Variants in CDC42EP3 observed in about 807,000 individuals in gnomAD.
CDC42EP3 encodes CDC42 effector protein 3, also known as CDC42 effector protein (Rho GTPase binding) 3.
CDC42EP3 carries 4 observed loss-of-function variants against 15.5 expected under a neutral mutation model. The observed-to-expected ratio is 0.26, with a 90% CI of 0.13 to 0.59. The LOEUF is 0.59. Ranked by LOEUF, CDC42EP3 falls within the 20% of genes least tolerant of loss-of-function variation. The probability of loss-of-function intolerance (pLI) is 0.89; values close to 1 mark genes in which losing one functional copy is unlikely to be tolerated. For synonymous variants in CDC42EP3, 145 were observed against 130.3 expected, an observed-to-expected ratio of 1.11 and a Z score of -0.77; for missense variants, 309 against 311.2, an observed-to-expected ratio of 0.99 and a Z score of 0.05.
At chr2:37,662,436 T>C (rs1008221233) in intron 1 of CDC42EP3, among the ~76,000 whole-genome samples, 2 of 152,238 alleles carry the variant, frequency 1.3e-5, no homozygotes, top group African/African-American at 4.8e-5. Context: ...GGGATTCCTT[T>C]TAACCTTACT....
rs1381083616 is a variant in CDC42EP3, at chr2:37,671,510, G to T, written c.-320C>A. ...TGCCGCTGTGCGCAGATCCAGCCGAGTCTGCCGGCGTGGTGCCTGCTCACC... is the reference window on the plus strand; with the variant it reads ...TGCCGCTGTGCGCAGATCCAGCCGATTCTGCCGGCGTGGTGCCTGCTCACC... On this transcript the variant is annotated 5_prime_UTR_variant, in exon 1 of 2. Transcript: ENST00000295324. The T allele has an allele frequency of 6.6e-6, 1 of 152,292 alleles. No homozygotes were observed. Among genetic ancestry groups the T allele is most frequent in the Non-Finnish European group, 1.5e-5 (1 of 68,084 alleles). 9.4% of individuals were successfully genotyped at this position (152,292 alleles called of 1,614,324 possible).
chr2:37,667,122 G>C (rs559694103), intron 1 of CDC42EP3, among the ~76,000 whole-genome samples: 42 of 152,000 alleles, frequency 2.8e-4, no homozygotes, highest in Non-Finnish European at 5.0e-4. Context: ...TGGGTTTTCC[G>C]GGGCAAGCAG....
intron 1 of CDC42EP3, among the ~76,000 whole-genome samples, chr2:37,670,744 C>T (rs1364162623): frequency 6.6e-6 from 1 of 151,856 alleles, no homozygotes; most frequent in Non-Finnish European, 1.5e-5. Flanking sequence ...AGATGAAACA[C>T]ATGCCTCCCA....
chr2:37,660,328 G>C (rs1666015172), intron 1 of CDC42EP3, among the ~76,000 whole-genome samples: 1 of 152,196 alleles, frequency 6.6e-6, no homozygotes, highest in South Asian at 2.1e-4. Context: ...AGCTTGATTA[G>C]AAGTTAATTC....
intron 1 of CDC42EP3, among the ~76,000 whole-genome samples, chr2:37,656,252 T>G (rs915976113): frequency 2.0e-5 from 3 of 152,360 alleles, no homozygotes; most frequent in Middle Eastern, 3.4e-3. Flanking sequence ...TTGCGTTATT[T>G]GTATATGTGT....
Position 37,657,030 on chromosome 2 carries a change from T to A in CDC42EP3, c.-235-10208A>T, listed in dbSNP as rs13392918. 1.9e-3 allele frequency among the ~76,000 whole-genome samples: 205 copies of A among 110,582 alleles called. 1 individual carries two copies. The highest frequency in any genetic ancestry group is 6.9e-3 in the African/African-American group (194 of 27,980). The allele number at this position is 110,582 out of a possible 152,430, so 72.5% of individuals were successfully genotyped here. ...CCATCCTCGAGGAGAAAAACAAACA[T>A]CCTGTTCTTAGAAAATCGTGTTAAG... On this transcript the variant is annotated intron_variant, in intron 1 of 1. Transcript: ENST00000295324.
At chr2:37,647,403 A>G (rs1007248297) in intron 1 of CDC42EP3, 7 of 152,380 alleles carry the variant, frequency 4.6e-5, no homozygotes, top group South Asian at 2.1e-4. Context: ...CCTTTTCTCA[A>G]TAACATATAG....
At chr2:37,652,174 CAAA>C (rs61407687) in intron 1 of CDC42EP3, among the ~76,000 whole-genome samples, 16 of 39,122 alleles carry the variant, frequency 4.1e-4, no homozygotes, top group African/African-American at 1.4e-3. Context: ...GACTCCCTCT[CAAA>C]AAAAAAAAAA....
intron 1 of CDC42EP3, among the ~76,000 whole-genome samples, chr2:37,652,970 A>G (rs778948280): frequency 3.3e-5 from 5 of 152,170 alleles, no homozygotes; most frequent in African/African-American, 7.2e-5. Context: ...AAAAACCTTG[A>G]CCCTGAAATT....
In CDC42EP3 at chr2:37,654,041, C is replaced by T. The variant is rs148741578; in HGVS notation, c.-235-7219G>A. 7.2e-5 allele frequency among the ~76,000 whole-genome samples: 11 copies of T among 152,296 alleles called. No individual in the cohort carries two copies. The East Asian group carries it at 1.9e-3, about 27-fold the overall frequency. On this transcript the variant is annotated intron_variant, in intron 1 of 1. Transcript: ENST00000295324. ...TCACGGCACCACTGCACTACTGCAC[C>T]ATCTGAGCCCCATGCCAGAGTATCC...
intron 1 of CDC42EP3, among the ~76,000 whole-genome samples, chr2:37,652,216 C>G (rs867513099): frequency 1.4e-5 from 2 of 144,930 alleles, no homozygotes; most frequent in African/African-American, 5.2e-5. Flanking sequence ...ATAGAAGACA[C>G]CTGGGTTCCA....
chr2:37,668,698 CTG>C (rs1164128911), intron 1 of CDC42EP3, among the ~76,000 whole-genome samples: 1 of 152,202 alleles, frequency 6.6e-6, no homozygotes, highest in Admixed American at 6.5e-5. Flanking sequence ...AGTTATATAA[CTG>C]GTCTATCCTC....
At chr2:37,670,482 CTT>C (rs5830491) in intron 1 of CDC42EP3, among the ~76,000 whole-genome samples, 2,470 of 136,544 alleles carry the variant, frequency 0.018, 31 homozygotes, top group Middle Eastern at 0.052. Context: ...AATTCGCTCA[CTT>C]TTTTTTTTTT....
chr2:37,657,058 C>T (rs2124625724), intron 1 of CDC42EP3, among the ~76,000 whole-genome samples: 1 of 133,740 alleles, frequency 7.5e-6, no homozygotes, highest in Middle Eastern at 4.8e-3. Flanking sequence ...GTGTTAAGTG[C>T]TGTTCATTCT....
chr2:37,659,216 T>C (rs1316313328), intron 1 of CDC42EP3, among the ~76,000 whole-genome samples: 2 of 152,308 alleles, frequency 1.3e-5, no homozygotes, highest in South Asian at 2.1e-4. Flanking sequence ...GATAAACAAA[T>C]GAGAAAGCTT....
chr2:37,650,122 A>G (rs944711414), intron 1 of CDC42EP3, among the ~76,000 whole-genome samples: 1 of 152,178 alleles, frequency 6.6e-6, no homozygotes, highest in Admixed American at 6.5e-5. Context: ...CTGGGAAAGT[A>G]TCTGGCAGCT....
chr2:37,652,003 G>A (rs564106934), intron 1 of CDC42EP3, among the ~76,000 whole-genome samples: 115 of 151,566 alleles, frequency 7.6e-4, no homozygotes, highest in African/African-American at 2.5e-3. Flanking sequence ...GTGAAACCCC[G>A]TCTCTACTAA....
At chr2:37,659,164 G>A (rs898612032) in intron 1 of CDC42EP3, among the ~76,000 whole-genome samples, 12 of 152,140 alleles carry the variant, frequency 7.9e-5, no homozygotes, top group African/African-American at 1.2e-4. Context: ...GAGAGAGAAC[G>A]GAGATCTTAT....
In CDC42EP3 at chr2:37,653,187, T is replaced by TGG. The variant is rs1404028390; in HGVS notation, c.-235-6366_-235-6365insCC. 1.3e-4 allele frequency among the ~76,000 whole-genome samples: 20 copies of TGG among 152,282 alleles called. No homozygotes were observed. In the East Asian group the frequency reaches 3.9e-3, roughly 29 times the overall value. ...CCAACAAAAGGGTCCAGCTTGCCAG[T>TGG]CAGTCATGTGGCAGGTCAGAGAGAA... is the stretch of plus-strand genomic sequence containing the variant. On this transcript the variant is annotated intron_variant, in intron 1 of 1. Coordinates refer to ENST00000295324, the MANE Select transcript of CDC42EP3 (RefSeq NM_006449.5).
Sources: allele counts gnomAD v4.1 joint callset (sites outside exome capture counted in the v4.1 genomes callset), GRCh38; gene constraint gnomAD v4.1.1; transcripts MANE v1.5; gene names NCBI Gene and HGNC (gene_info 2026-07-23, HGNC 2026-07-21).